CADM1: variants seen among roughly 807,000 people sequenced by gnomAD.
The protein encoded by CADM1 is TSLC-1.
CADM1 carries 15 observed loss-of-function variants against 53.1 expected under a neutral mutation model. The observed-to-expected ratio is 0.28, with a 90% confidence interval of 0.19 to 0.44. CADM1 has a LOEUF of 0.44. CADM1 is among the 20% of genes least tolerant of loss of function. The pLI, the probability that CADM1 is intolerant of heterozygous loss-of-function variation, is 1.00. For synonymous variants in CADM1, 281 were observed against 243.0 expected (o/e 1.16, Z -1.45); for missense variants, 434 against 611.3 (o/e 0.71, Z 3.06).
intron 1 of CADM1, among the ~76,000 whole-genome samples, chr11:115,403,988 T>C (rs1374499231): frequency 6.6e-6 from 1 of 151,576 alleles, no homozygotes; most frequent in African/African-American, 2.4e-5. Context: ...TTTATGTGTG[T>C]TTTTCAAAGC....
At chr11:115,349,346 T>C (rs966965068) in intron 1 of CADM1, among the ~76,000 whole-genome samples, 2 of 152,208 alleles carry the variant, frequency 1.3e-5, no homozygotes, top group Admixed American at 6.5e-5. Flanking sequence ...CTTTCTTCTT[T>C]ATTACAGGAA....
At position 115,405,011 on chromosome 11, in the gene CADM1, G is replaced by A. The variant is rs1265112952; in HGVS notation, c.124+99260C>T. On this transcript the variant is annotated intron_variant, in intron 1 of 11. Transcript: ENST00000331581. ...TGCAGATTTTTGTTGTTGTTAAAGA[G>A]TCAGTGTCTCACTATGTTGCCCAGG... 2.0e-5 allele frequency among the ~76,000 whole-genome samples: 3 copies of A among 152,170 alleles called. No homozygotes were observed. The East Asian group carries it at 5.8e-4, about 29-fold the overall frequency.
intron 1 of CADM1, among the ~76,000 whole-genome samples, chr11:115,364,695 C>G (rs191660880): frequency 2.6e-4 from 39 of 152,250 alleles, no homozygotes; most frequent in Middle Eastern, 3.4e-3. Flanking sequence ...ACACTTAAGT[C>G]GTTGACAGTT....
At chr11:115,401,065 C>T (rs1591781618) in intron 1 of CADM1, among the ~76,000 whole-genome samples, 1 of 152,114 alleles carries the variant, frequency 6.6e-6, no homozygotes, top group Non-Finnish European at 1.5e-5. Context: ...CAGCTTCATT[C>T]GTAATTGCCA....
intron 1 of CADM1, among the ~76,000 whole-genome samples, chr11:115,313,028 A>G (rs1944571654): frequency 2.0e-5 from 3 of 152,196 alleles, no homozygotes. Flanking sequence ...AAAAAACTAG[A>G]AAAGCAGCAA....
chr11:115,320,687 GA>G (rs936572921), intron 1 of CADM1, among the ~76,000 whole-genome samples: 115 of 142,570 alleles, frequency 8.1e-4, no homozygotes, highest in Non-Finnish European at 1.2e-3. Context: ...TGGGAATCCA[GA>G]AAAAAAAAAA....
chr11:115,411,827 C>G (rs1026372526), intron 1 of CADM1, among the ~76,000 whole-genome samples: 13 of 152,012 alleles, frequency 8.6e-5, no homozygotes, highest in African/African-American at 3.1e-4. Flanking sequence ...CCAAATAGGA[C>G]CAGAGTTTGA....
intron 1 of CADM1, among the ~76,000 whole-genome samples, chr11:115,437,070 G>T (rs150597749): frequency 6.4e-4 from 97 of 152,246 alleles, no homozygotes; most frequent in African/African-American, 2.2e-3. Flanking sequence ...GCAGCATCAA[G>T]AATTATATAG....
intron 1 of CADM1, among the ~76,000 whole-genome samples, chr11:115,459,088 C>A (rs1160356163): frequency 1.3e-5 from 2 of 152,114 alleles, no homozygotes; most frequent in African/African-American, 4.8e-5. Context: ...ATCTATTCAC[C>A]AGAGAAGAGT....
intron 1 of CADM1, among the ~76,000 whole-genome samples, chr11:115,457,397 T>C (rs1490444693): frequency 1.3e-5 from 2 of 152,170 alleles, no homozygotes; most frequent in Non-Finnish European, 2.9e-5. Context: ...ACTTGACTTT[T>C]AAAATCCATG....
Position 115,504,306 on chromosome 11 carries a change from A to T in CADM1, c.89T>A (p.Leu30Gln). ...CAGTGCCGCGGCGGAGAAGAGCAAC[A>T]GCAGAAGCCGGAGCCGGAGCCCGGG... ...APPGLRLRLL[L>Q]LLFSAAALIP... The change falls in exon 1 of 12, where the codon CTG becomes CAG. Residue 30 changes from leucine (L) to glutamine (Q), a missense_variant. Transcript: ENST00000331581. The T allele has an allele frequency of 6.4e-7, 1 of 1,563,420 alleles. No individual in the cohort carries two copies. The highest frequency in any genetic ancestry group is 8.7e-7 in the Non-Finnish European group (1 of 1,154,744).
chr11:115,354,709 T>C (rs1187071507), intron 1 of CADM1, among the ~76,000 whole-genome samples: 1 of 152,172 alleles, frequency 6.6e-6, no homozygotes, highest in Non-Finnish European at 1.5e-5. Flanking sequence ...GTATATCACA[T>C]ATATCTCTGA....
At chr11:115,475,447 T>A (rs539553985) in intron 1 of CADM1, among the ~76,000 whole-genome samples, 21 of 152,290 alleles carry the variant, frequency 1.4e-4, no homozygotes, top group African/African-American at 4.6e-4. Flanking sequence ...TGAAAACTTA[T>A]GGCTCACAAA....
chr11:115,374,901 CTT>C (rs1356417367), intron 1 of CADM1, among the ~76,000 whole-genome samples: 1 of 151,982 alleles, frequency 6.6e-6, no homozygotes, highest in Non-Finnish European at 1.5e-5. Context: ...TCATTTGACT[CTT>C]GACTCAACAA....
chr11:115,323,658 C>T (rs113115784), intron 1 of CADM1, among the ~76,000 whole-genome samples: 13 of 152,122 alleles, frequency 8.5e-5, no homozygotes, highest in Non-Finnish European at 1.2e-4. Flanking sequence ...AGGAAGTTCA[C>T]GAAACGTTAC....
intron 2 of CADM1, 34 bp from the exon 3 acceptor site, chr11:115,238,686 G>A: frequency 1.9e-6 from 3 of 1,606,336 alleles, no homozygotes; most frequent in Non-Finnish European, 2.6e-6. Flanking sequence ...GTGATTGTGA[G>A]AAGGTGGACG....
intron 1 of CADM1, among the ~76,000 whole-genome samples, chr11:115,421,697 C>CA (rs1197939724): frequency 6.6e-6 from 1 of 152,136 alleles, no homozygotes; most frequent in African/African-American, 2.4e-5. Context: ...AGAGAAAAAG[C>CA]TAATTCTAAA....
intron 1 of CADM1, among the ~76,000 whole-genome samples, chr11:115,335,115 A>T (rs1342304025): frequency 3.3e-5 from 5 of 152,108 alleles, no homozygotes; most frequent in Non-Finnish European, 7.4e-5. Flanking sequence ...ATGCACTGGT[A>T]AACCATAAAA....
chr11:115,495,504 A>G (rs1352653911), intron 1 of CADM1, among the ~76,000 whole-genome samples: 2 of 152,228 alleles, frequency 1.3e-5, no homozygotes, highest in African/African-American at 4.8e-5. Flanking sequence ...AAAGGCTTTG[A>G]AAAGATCCTT....
Sources: allele counts gnomAD v4.1 joint callset (sites outside exome capture counted in the v4.1 genomes callset), GRCh38; gene constraint gnomAD v4.1.1; transcripts MANE v1.5; gene names NCBI Gene and HGNC (gene_info 2026-07-23, HGNC 2026-07-21).